Variants in PPP5C observed in about 807,000 individuals in gnomAD.
The protein encoded by PPP5C is protein phosphatase 5 catalytic subunit.
PPP5C carries 21 observed loss-of-function variants against 66.7 expected under a neutral mutation model. The observed-to-expected ratio is 0.31, with a 90% CI of 0.22 to 0.45. PPP5C has a LOEUF of 0.45. Ranked by LOEUF, PPP5C falls within the 20% of genes least tolerant of loss-of-function variation. PPP5C has a pLI of 1.00. For synonymous variants in PPP5C, 246 were observed against 257.4 expected, an observed-to-expected ratio of 0.96 and a Z score of 0.43; for missense variants, 464 against 675.9, an observed-to-expected ratio of 0.69 and a Z score of 3.48.
At position 46,376,917 on chromosome 19, in the gene PPP5C, G is replaced by A. The variant is rs983075648; in HGVS notation, c.633+343G>A. 2.0e-5 allele frequency among the ~76,000 whole-genome samples: 3 copies of A among 152,146 alleles called. No homozygotes were observed. The highest frequency in any genetic ancestry group is 7.2e-5 in the African/African-American group (3 of 41,424). On this transcript the variant is annotated intron_variant, in intron 4 of 12. Transcript: ENST00000012443. The surrounding 1 kb of genome is among the most constrained non-coding windows in gnomAD (Gnocchi z 5.1). ...GCGTCTGTGGCTGCTGGTTGTTGCAGGTTGTTTGGGACCTGCTGGTTGCTC... is the reference window on the plus strand; with the variant it reads ...GCGTCTGTGGCTGCTGGTTGTTGCAAGTTGTTTGGGACCTGCTGGTTGCTC...
intron 7 of PPP5C, 50 bp downstream of exon 7, chr19:46,384,959 G>T (rs1345718205): frequency 2.2e-6 from 3 of 1,361,468 alleles, no homozygotes; most frequent in African/African-American, 1.4e-5. Flanking sequence ...TCCTGAGTGG[G>T]GCACTCACTC....
Position 46,361,487 on chromosome 19 carries a change from C to T in PPP5C, c.363+7498C>T, listed in dbSNP as rs533551676. On this transcript the variant is annotated intron_variant, in intron 2 of 12. Coordinates refer to ENST00000012443, the MANE Select transcript of PPP5C (RefSeq NM_006247.4). ...ACCAGCCGGGCATGGTGGCTCACTC[C>T]TGTAATCCCAGCACTTTGGGAGACT... is the stretch of plus-strand genomic sequence containing the variant. 4.1e-5 allele frequency among the ~76,000 whole-genome samples: 6 copies of T among 146,798 alleles called. No homozygotes were observed. In the East Asian group the frequency reaches 1.0e-3, roughly 25 times the overall value.
intron 2 of PPP5C, among the ~76,000 whole-genome samples, chr19:46,373,105 T>G (rs1288598342): frequency 6.6e-6 from 1 of 152,118 alleles, no homozygotes; most frequent in Non-Finnish European, 1.5e-5. Flanking sequence ...CCGCCTGTCC[T>G]GGCAGGCCTG....
chr19:46,354,610 A>G lies in PPP5C; in HGVS notation c.363+621A>G, dbSNP rs1200988979. Among the ~76,000 whole-genome samples, 3 of 152,128 alleles carry G rather than the reference A, an allele frequency of 2.0e-5. No individual in the cohort carries two copies. The East Asian group carries it at 5.8e-4, about 29-fold the overall frequency. On this transcript the variant is annotated intron_variant, in intron 2 of 12. Coordinates refer to ENST00000012443, the MANE Select transcript of PPP5C (RefSeq NM_006247.4). ...GGAGTTTAAGACAAGCCTGGGCCAC[A>G]TAGGGAGGAGACCTCATCTCTACAA...
rs1449861064 is a variant in PPP5C at position 46,376,069 on chromosome 19, T to C, written c.511+318T>C. 6.6e-6 allele frequency among the ~76,000 whole-genome samples: 1 copy of C among 152,162 alleles called. No homozygotes were observed. Among genetic ancestry groups the C allele is most frequent in the Admixed American group, 6.5e-5 (1 of 15,280 alleles). ...AGAAGATCCAAGGGATTGTTGTGGA[T>C]CATCCCACAGATGATTATTGAGCAT... On this transcript the variant is annotated intron_variant, in intron 3 of 12. Coordinates refer to ENST00000012443, the MANE Select transcript of PPP5C (RefSeq NM_006247.4). The surrounding 1 kb of genome is among the most constrained non-coding windows in gnomAD (Gnocchi z 5.1).
At chr19:46,360,451 T>G (rs1972364255) in intron 2 of PPP5C, among the ~76,000 whole-genome samples, 5 of 152,176 alleles carry the variant, frequency 3.3e-5, no homozygotes, top group African/African-American at 9.7e-5. Flanking sequence ...CAAAAAGACT[T>G]AATTTTAGAA....
At chr19:46,364,702 C>G (rs994979526) in intron 2 of PPP5C, among the ~76,000 whole-genome samples, 1 of 152,120 alleles carries the variant, frequency 6.6e-6, no homozygotes, top group Admixed American at 6.5e-5. Context: ...TATGAGATTG[C>G]AGCCAGGACA....
chr19:46,365,960 G>T (rs771768299), intron 2 of PPP5C, among the ~76,000 whole-genome samples: 2 of 152,062 alleles, frequency 1.3e-5, no homozygotes, highest in African/African-American at 2.4e-5. Flanking sequence ...CCTGAAACTC[G>T]AATCCCTTGC....
rs1478046468 is a variant in PPP5C at position 46,380,889 on chromosome 19, GTC to G, written c.634-2520_634-2519del. Among the ~76,000 whole-genome samples the G allele has an allele frequency of 1.5e-3, 224 of 152,156 alleles. 4 individuals are homozygous for G. The highest frequency in any genetic ancestry group is 3.1e-4 in the Non-Finnish European group (21 of 68,002). On this transcript the variant is annotated intron_variant, in intron 4 of 12. Transcript: ENST00000012443. The stretch of plus-strand genomic sequence containing the variant: ...ATGGGCTTTGATGTGCTTTTTTTGA[GTC>G]TGTGGGTTAATATCTTTCATTAGTT...
At chr19:46,348,528 G>A (rs951965997) in intron 1 of PPP5C, among the ~76,000 whole-genome samples, 3 of 152,026 alleles carry the variant, frequency 2.0e-5, no homozygotes, top group Non-Finnish European at 4.4e-5. Flanking sequence ...TGGCCAGGCT[G>A]GTGTCGAACC....
intron 1 of PPP5C, 41 bp downstream of exon 1, chr19:46,347,258 T>C: frequency 6.4e-7 from 1 of 1,564,732 alleles, no homozygotes; most frequent in Non-Finnish European, 8.7e-7. Flanking sequence ...TGGCCCAGGC[T>C]GAGGGGTGCC....
At chr19:46,389,574 T>A (rs1470720116) in intron 11 of PPP5C, among the ~76,000 whole-genome samples, 1 of 151,926 alleles carries the variant, frequency 6.6e-6, no homozygotes. Flanking sequence ...AGGACCACAT[T>A]TTCAGTCTCT....
rs2147398818 is a variant in PPP5C, at chr19:46,383,187, C to T, written c.634-224C>T. On this transcript the variant is annotated intron_variant, in intron 4 of 12. Coordinates refer to ENST00000012443, the MANE Select transcript of PPP5C (RefSeq NM_006247.4). The surrounding 1 kb of genome is among the most constrained non-coding windows in gnomAD (Gnocchi z 5.0). ...ATAATTCAAGAATCAGGTTTTCGTACAAAACAATCGCAATGCTTCGGCACT... is the reference window on the plus strand; with the variant it reads ...ATAATTCAAGAATCAGGTTTTCGTATAAAACAATCGCAATGCTTCGGCACT... 6.7e-7 allele frequency: 1 copy of T among 1,497,400 alleles called. No homozygotes were observed. Among genetic ancestry groups the T allele is most frequent in the Non-Finnish European group, 8.9e-7 (1 of 1,121,774 alleles). 92.8% of individuals were successfully genotyped at this position (1,497,400 alleles called of 1,614,324 possible).
At chr19:46,378,736 T>C (rs186042212) in intron 4 of PPP5C, among the ~76,000 whole-genome samples, 43 of 152,380 alleles carry the variant, frequency 2.8e-4, no homozygotes, top group African/African-American at 9.6e-4. Context: ...TCTATTAAAA[T>C]AGTTAAACCA....
chr19:46,384,940 A>G (rs1407850878), intron 7 of PPP5C, 31 bp downstream of exon 7: 6 of 1,538,074 alleles, frequency 3.9e-6, no homozygotes, highest in Non-Finnish European at 5.4e-6. Context: ...GTTTGGGTTC[A>G]TTGTGGGGTC....
rs1972834711 is a variant in PPP5C at position 46,383,707 on chromosome 19, T to G, written c.700-73T>G. On this transcript the variant is annotated intron_variant, in intron 5 of 12. Transcript: ENST00000012443. This position sits in a 1 kb window ranked among gnomAD's most constrained non-coding sequence, Gnocchi z 5.0. ...CTTGGTCTACTGTGAACTCTTACCC[T>G]TCCCCTCACCTCTGCCCCCTCCCCA... The G allele has an allele frequency of 7.9e-7, 1 of 1,272,298 alleles. No homozygotes were observed. Among genetic ancestry groups the G allele is most frequent in the Admixed American group, 1.7e-5 (1 of 57,210 alleles). 78.8% of individuals were successfully genotyped at this position (1,272,298 alleles called of 1,614,324 possible).
intron 4 of PPP5C, among the ~76,000 whole-genome samples, chr19:46,379,408 A>T (rs1464359046): frequency 6.6e-6 from 1 of 152,124 alleles, no homozygotes; most frequent in African/African-American, 2.4e-5. Context: ...AGTTGGTCTC[A>T]AACTCCTGAC....
At chr19:46,371,470 C>G (rs958979726) in intron 2 of PPP5C, among the ~76,000 whole-genome samples, 3 of 152,172 alleles carry the variant, frequency 2.0e-5, no homozygotes, top group South Asian at 2.1e-4. Context: ...AGTGGAGACT[C>G]TCTTTGTCCC....
rs1398081646 is a variant in PPP5C, at chr19:46,376,881, C to T, written c.633+307C>T. On this transcript the variant is annotated intron_variant, in intron 4 of 12. Coordinates refer to ENST00000012443, the MANE Select transcript of PPP5C (RefSeq NM_006247.4). This position sits in a 1 kb window ranked among gnomAD's most constrained non-coding sequence, Gnocchi z 5.1. ...AGTCTGTTGCTTTGAGTTCTCATCC[C>T]AGGCTCTTGGGCGTCTGTGGCTGCT... Among the ~76,000 whole-genome samples the T allele has an allele frequency of 6.6e-6, 1 of 152,168 alleles. No individual in the cohort carries two copies. The highest frequency in any genetic ancestry group is 2.4e-5 in the African/African-American group (1 of 41,440).
Sources: allele counts gnomAD v4.1 joint callset (sites outside exome capture counted in the v4.1 genomes callset), GRCh38; gene constraint gnomAD v4.1.1; non-coding constraint Gnocchi (gnomAD v3.1); transcripts MANE v1.5; gene names NCBI Gene and HGNC (gene_info 2026-07-23, HGNC 2026-07-21).